Variants in NALF1 observed in about 807,000 individuals in gnomAD.
NALF1 encodes family with sequence similarity 155 member A.
NALF1 carries 3 observed loss-of-function variants against 48.4 expected under a neutral mutation model. The ratio of observed to expected loss-of-function variants is 0.06; its 90% CI spans 0.03 to 0.16. The LOEUF (loss-of-function observed/expected upper bound fraction) is 0.16, where lower values mean the gene tolerates loss of function less well. Among genes scored for constraint, NALF1 ranks in the 10% least tolerant of loss-of-function variants. The pLI, the probability that NALF1 is intolerant of heterozygous loss-of-function variation, is 1.00. For missense variants in NALF1, 526 were observed against 571.5 expected (o/e 0.92, Z 0.81); for synonymous variants, 262 against 245.7 (o/e 1.07, Z -0.62).
At chr13:107,595,080 G>A (rs535542850) in intron 1 of NALF1, among the ~76,000 whole-genome samples, 2 of 151,948 alleles carry the variant, frequency 1.3e-5, no homozygotes, top group Non-Finnish European at 2.9e-5. Flanking sequence ...TAGTTAGAAA[G>A]CGTTCAAGGA....
chr13:107,517,134 CTGA>C (rs765328893), intron 1 of NALF1, among the ~76,000 whole-genome samples: 59 of 152,140 alleles, frequency 3.9e-4, no homozygotes, highest in Non-Finnish European at 6.6e-4. Context: ...TCAATTCTGA[CTGA>C]TATTTTATGA....
chr13:107,178,964 A>C (rs1006512484), intron 2 of NALF1, among the ~76,000 whole-genome samples: 44 of 151,738 alleles, frequency 2.9e-4, no homozygotes, highest in Non-Finnish European at 5.0e-4. Flanking sequence ...ACAAAAAAAA[A>C]AAACAAAAAA....
chr13:107,538,349 C>G (rs940566528), intron 1 of NALF1, among the ~76,000 whole-genome samples: 2 of 152,024 alleles, frequency 1.3e-5, no homozygotes, highest in Non-Finnish European at 2.9e-5. Context: ...TCTTTTGAAT[C>G]CCCCCTTACC....
intron 1 of NALF1, among the ~76,000 whole-genome samples, chr13:107,710,964 A>G (rs1875573164): frequency 6.6e-6 from 1 of 151,894 alleles, no homozygotes; most frequent in South Asian, 2.1e-4. Context: ...GTAGTTATGT[A>G]TCGATGAGTC....
At chr13:107,254,062 A>AAAAAAAAAAAAATATATATATATATAT in intron 1 of NALF1, among the ~76,000 whole-genome samples, 16 of 138,672 alleles carry the variant, frequency 1.2e-4, no homozygotes, top group African/African-American at 4.3e-4. Flanking sequence ...CAAGTACTAA[A>AAAAAAAAAAAAATATATATATATATAT]ATATATATAT....
intron 1 of NALF1, among the ~76,000 whole-genome samples, chr13:107,294,207 C>A (rs1881683050): frequency 6.6e-6 from 1 of 152,160 alleles, no homozygotes. Context: ...AAGAATGCTG[C>A]TTCAGATGCT....
At chr13:107,650,394 T>TAAAAAAAAAA (rs11330259) in intron 1 of NALF1, among the ~76,000 whole-genome samples, 20,192 of 105,886 alleles carry the variant, frequency 0.19, 2,720 homozygotes, top group East Asian at 0.41. Context: ...CTGCAACCAT[T>TAAAAAAAAAA]AAAAAAAAAA....
At chr13:107,698,924 T>A (rs979023123) in intron 1 of NALF1, among the ~76,000 whole-genome samples, 8 of 151,974 alleles carry the variant, frequency 5.3e-5, no homozygotes, top group Admixed American at 3.3e-4. Context: ...ATCAGAGCAA[T>A]AAGATTCAAG....
At chr13:107,319,163 C>G (rs1378028387) in intron 1 of NALF1, among the ~76,000 whole-genome samples, 1 of 152,070 alleles carries the variant, frequency 6.6e-6, no homozygotes. Flanking sequence ...GCTGGGCCAA[C>G]TGGTCCTCCG....
At chr13:107,418,421 C>A (rs1224983135) in intron 1 of NALF1, among the ~76,000 whole-genome samples, 1 of 152,062 alleles carries the variant, frequency 6.6e-6, no homozygotes, top group Non-Finnish European at 1.5e-5. Flanking sequence ...TGGGTTCACT[C>A]TTTTTCTCTC....
chr13:107,223,941 G>C lies in NALF1; in HGVS notation c.916-13186C>G, dbSNP rs145041611. Among the ~76,000 whole-genome samples the C allele has an allele frequency of 5.5e-3, 844 of 152,204 alleles. 15 individuals are homozygous for C. Among genetic ancestry groups the C allele is most frequent in the African/African-American group, 0.019 (790 of 41,518 alleles). The stretch of plus-strand genomic sequence containing the variant: ...TTAGCCCATGTCTTCTTTATCCTGA[G>C]CTAAACATACCATCAGAAATATGTT... On this transcript the variant is annotated intron_variant, in intron 1 of 2. Transcript: ENST00000375915.
intron 1 of NALF1, among the ~76,000 whole-genome samples, chr13:107,680,661 TG>T (rs1209451042): frequency 6.6e-6 from 1 of 151,982 alleles, no homozygotes; most frequent in African/African-American, 2.4e-5. Flanking sequence ...TGAGTGTGTA[TG>T]TGTAAGGATG....
At chr13:107,694,981 CG>C (rs1313984807) in intron 1 of NALF1, among the ~76,000 whole-genome samples, 3 of 151,950 alleles carry the variant, frequency 2.0e-5, no homozygotes, top group African/African-American at 7.3e-5. Flanking sequence ...TTAGCAGAGA[CG>C]GGGTTTCACC....
At chr13:107,735,348 G>C (rs562584745) in intron 1 of NALF1, among the ~76,000 whole-genome samples, 1 of 152,304 alleles carries the variant, frequency 6.6e-6, no homozygotes, top group South Asian at 2.1e-4. Flanking sequence ...AATATAACAT[G>C]GTTGGATGAG....
chr13:107,272,195 ATTTTTTTTTTTTT>A (rs776753457), intron 1 of NALF1, among the ~76,000 whole-genome samples: 3 of 22,538 alleles, frequency 1.3e-4, no homozygotes, highest in Admixed American at 9.4e-4. Context: ...AGACCTTAGA[ATTTTTTTTTTTTT>A]TTTTTTTTTT....
chr13:107,772,173 C>T, intron 1 of NALF1, among the ~76,000 whole-genome samples: 1 of 152,084 alleles, frequency 6.6e-6, no homozygotes, highest in African/African-American at 2.4e-5. Flanking sequence ...CCCGTCCCTC[C>T]TCTTACTTTC....
intron 1 of NALF1, among the ~76,000 whole-genome samples, chr13:107,796,687 A>G (rs1001072974): frequency 6.6e-6 from 1 of 152,058 alleles, no homozygotes; most frequent in African/African-American, 2.4e-5. Flanking sequence ...TCCTTCACCA[A>G]TCATAAAATA....
intron 1 of NALF1, among the ~76,000 whole-genome samples, chr13:107,787,662 T>G (rs4083985): frequency 6.6e-6 from 1 of 152,000 alleles, no homozygotes; most frequent in African/African-American, 2.4e-5. Flanking sequence ...TAGTAAATGA[T>G]TAAGTACAAT....
chr13:107,757,532 G>A (rs1306974914), intron 1 of NALF1, among the ~76,000 whole-genome samples: 1 of 149,970 alleles, frequency 6.7e-6, no homozygotes, highest in African/African-American at 2.5e-5. Flanking sequence ...CAGTTTGATA[G>A]ACAGTAAGGA....
Sources: gnomAD v4.1 joint callset for allele counts (sites outside exome capture counted in the v4.1 genomes callset) on GRCh38, gnomAD v4.1.1 for gene constraint, MANE v1.5 for transcripts, NCBI Gene and HGNC (gene_info 2026-07-23, HGNC 2026-07-21) for gene names.